RFX7: variants seen among roughly 807,000 people sequenced by gnomAD.
RFX7 encodes regulatory factor X7.
In RFX7, 26 loss-of-function variants were observed where a neutral mutation model predicts 111.8. The ratio of observed to expected loss-of-function variants is 0.23; its 90% CI spans 0.17 to 0.32. RFX7 has a LOEUF of 0.32. Among genes scored for constraint, RFX7 ranks in the 10% least tolerant of loss-of-function variants. The pLI, the probability that RFX7 is intolerant of heterozygous loss-of-function variation, is 1.00. For missense variants in RFX7, 1,573 were observed against 1,772.9 expected (o/e 0.89, Z 2.02); for synonymous variants, 624 against 624.4 (o/e 1.00, Z 0.01).
chr15:56,093,553 C>G lies in RFX7; in HGVS notation c.4175G>C (p.Gly1392Ala). The G allele has an allele frequency of 6.2e-7, 1 of 1,613,762 alleles. No individual in the cohort carries two copies. The highest frequency in any genetic ancestry group is 8.5e-7 in the Non-Finnish European group (1 of 1,179,758). ...SDIRLSSELS[G>A]SINDLNTLDP... ...TAAAGTGTTCAAATCATTGATGCTGCCTGAGAGCTCAGAAGACAACCTGAT... is the reference window on the plus strand; with the variant it reads ...TAAAGTGTTCAAATCATTGATGCTGGCTGAGAGCTCAGAAGACAACCTGAT... Residue 1392 changes from glycine (G) to alanine (A), a missense_variant, in exon 10 of 10, where the codon GGC becomes GCC. This residue lies in a region of RFX7 where 411 missense variants were observed against 478.1 expected (regional missense o/e 0.86). Transcript: ENST00000559447.
chr15:56,168,932 A>G (rs976384453), intron 3 of RFX7, among the ~76,000 whole-genome samples: 9 of 152,194 alleles, frequency 5.9e-5, no homozygotes, highest in Admixed American at 1.3e-4. Context: ...AGTTATTGCA[A>G]TACTCTTGAA....
intron 2 of RFX7, among the ~76,000 whole-genome samples, chr15:56,189,316 G>C (rs552453686): frequency 3.9e-5 from 6 of 152,090 alleles, no homozygotes; most frequent in African/African-American, 1.4e-4. Flanking sequence ...GGAGTTCAAG[G>C]CTTCAGTGAG....
At chr15:56,111,678 A>AT (rs1307305787) in intron 5 of RFX7, among the ~76,000 whole-genome samples, 1 of 150,980 alleles carries the variant, frequency 6.6e-6, no homozygotes, top group Non-Finnish European at 1.5e-5. Context: ...AAAAAAAAAA[A>AT]AACCAAAAAA....
intron 2 of RFX7, among the ~76,000 whole-genome samples, chr15:56,200,100 T>C (rs372276431): frequency 5.3e-5 from 8 of 152,188 alleles, no homozygotes; most frequent in Non-Finnish European, 8.8e-5. Context: ...ACATTATATA[T>C]TGTCAGTAAA....
intron 2 of RFX7, among the ~76,000 whole-genome samples, chr15:56,216,884 T>C (rs1170573373): frequency 2.6e-5 from 4 of 152,056 alleles, no homozygotes. Context: ...CTCAAATTCC[T>C]GGCTCAAGTG....
At chr15:56,173,851 A>G (rs1231303577) in intron 3 of RFX7, among the ~76,000 whole-genome samples, 1 of 152,214 alleles carries the variant, frequency 6.6e-6, no homozygotes, top group Non-Finnish European at 1.5e-5. Flanking sequence ...AAGGAATTTA[A>G]GACAGGTATT....
chr15:56,093,268 G>T lies in RFX7; in HGVS notation c.*77C>A. On this transcript the variant is annotated 3_prime_UTR_variant, in exon 10 of 10. Coordinates refer to ENST00000559447, the MANE Select transcript of RFX7 (RefSeq NM_022841.7). ...TGTCACAATTAATAGTATTTCTGCTGCGGGAGGCACTTCCATTAAGACAAA... is the reference window on the plus strand; with the variant it reads ...TGTCACAATTAATAGTATTTCTGCTTCGGGAGGCACTTCCATTAAGACAAA... 8.1e-7 allele frequency: 1 copy of T among 1,235,454 alleles called. No homozygotes were observed. Among genetic ancestry groups the T allele is most frequent in the Non-Finnish European group, 1.1e-6 (1 of 906,802 alleles). 76.5% of individuals were successfully genotyped at this position (1,235,454 alleles called of 1,614,324 possible).
intron 2 of RFX7, among the ~76,000 whole-genome samples, chr15:56,212,139 G>T (rs1472813373): frequency 6.6e-6 from 1 of 152,066 alleles, no homozygotes; most frequent in Non-Finnish European, 1.5e-5. Context: ...ATAAACAGTG[G>T]TATATCTATT....
chr15:56,232,181 C>T (rs548686740), intron 2 of RFX7, among the ~76,000 whole-genome samples: 41 of 152,298 alleles, frequency 2.7e-4, no homozygotes, highest in African/African-American at 9.4e-4. Flanking sequence ...TAGGCAGTGC[C>T]CCAGTGGGGA....
chr15:56,179,684 G>A lies in RFX7; in HGVS notation c.162-381C>T, dbSNP rs566813267. On this transcript the variant is annotated intron_variant, in intron 2 of 9. Transcript: ENST00000559447. ...ACAATAATTTGCTTAGCACTTAAAA[G>A]TCATAACGATGTACTACAATCTGTA... Among the ~76,000 whole-genome samples, 162 of 151,402 alleles carry A rather than the reference G, an allele frequency of 1.1e-3. 1 individual carries two copies. Among genetic ancestry groups the A allele is most frequent in the African/African-American group, 3.8e-3 (155 of 41,230 alleles).
intron 2 of RFX7, among the ~76,000 whole-genome samples, chr15:56,181,779 T>C (rs889652839): frequency 6.6e-6 from 1 of 151,750 alleles, no homozygotes; most frequent in East Asian, 1.9e-4. Context: ...CACAAACAAC[T>C]TGGTAAACCT....
chr15:56,232,564 G>C (rs543355598), intron 2 of RFX7, among the ~76,000 whole-genome samples: 14 of 151,580 alleles, frequency 9.2e-5, no homozygotes, highest in Admixed American at 9.2e-4. Context: ...TCTGCAGCAG[G>C]CTTGAACTTC....
intron 2 of RFX7, among the ~76,000 whole-genome samples, chr15:56,228,845 C>G (rs1426185065): frequency 6.6e-6 from 1 of 152,106 alleles, no homozygotes; most frequent in Non-Finnish European, 1.5e-5. Context: ...CCTATATATA[C>G]TATGTTTTTT....
intron 3 of RFX7, among the ~76,000 whole-genome samples, chr15:56,144,797 T>A (rs2042446663): frequency 6.6e-6 from 1 of 152,170 alleles, no homozygotes. Context: ...TTACTTGTCC[T>A]ATAGGACAAG....
At chr15:56,102,505 T>G (rs1379477898) in intron 6 of RFX7, among the ~76,000 whole-genome samples, 1 of 152,192 alleles carries the variant, frequency 6.6e-6, no homozygotes, top group Non-Finnish European at 1.5e-5. Flanking sequence ...GTTATAAATT[T>G]TATGAATAAA....
intron 3 of RFX7, among the ~76,000 whole-genome samples, chr15:56,147,143 C>CA (rs1260809697): frequency 6.6e-6 from 1 of 151,508 alleles, no homozygotes; most frequent in Non-Finnish European, 1.5e-5. Flanking sequence ...CGTTGGTGGT[C>CA]AAAAAAAATT....
At chr15:56,135,466 G>C (rs2042287028) in intron 5 of RFX7, among the ~76,000 whole-genome samples, 1 of 151,802 alleles carries the variant, frequency 6.6e-6, no homozygotes, top group Admixed American at 6.6e-5. Context: ...GGGGCTGTTT[G>C]TTTTTTTCTT....
chr15:56,131,237 A>G (rs2042210047), intron 5 of RFX7, among the ~76,000 whole-genome samples: 1 of 151,704 alleles, frequency 6.6e-6, no homozygotes, highest in South Asian at 2.1e-4. Flanking sequence ...TAAGGAGGAC[A>G]TTCATTCTAG....
chr15:56,096,311 C>T lies in RFX7; in HGVS notation c.1417G>A (p.Val473Met). 1 of 1,613,948 alleles carries T rather than the reference C, an allele frequency of 6.2e-7. No individual in the cohort carries two copies. Among genetic ancestry groups the T allele is most frequent in the Non-Finnish European group, 8.5e-7 (1 of 1,179,892 alleles). Residue 473 changes from valine to methionine, a missense_variant, in exon 10 of 10, where the codon GTG becomes ATG. By Grantham distance (21) the Val-to-Met change is conservative. This residue lies in a region of RFX7 where 15 missense variants were observed against 32.4 expected (regional missense o/e 0.46). Transcript: ENST00000559447. ...PASHMSSLNV[V>M]KMTTISLTPS... ...GTGAGGGATATTGTTGTCATTTTCACCACATTTAGAGAACTCATGTGTGAA... is the reference window on the plus strand; with the variant it reads ...GTGAGGGATATTGTTGTCATTTTCATCACATTTAGAGAACTCATGTGTGAA...
Sources: allele counts gnomAD v4.1 joint callset (sites outside exome capture counted in the v4.1 genomes callset), GRCh38; gene constraint gnomAD v4.1.1; regional missense constraint gnomAD v4.1.1; transcripts MANE v1.5; gene names NCBI Gene and HGNC (gene_info 2026-07-23, HGNC 2026-07-21).